MGMT: variants seen among roughly 807,000 people sequenced by gnomAD.
The protein encoded by MGMT is O-6-methylguanine-DNA methyltransferase, also known as methylated-DNA--protein-cysteine methyltransferase.
A neutral mutation model predicts 15.9 loss-of-function variants in MGMT; 14 were observed. That is an observed-to-expected ratio of 0.88 (90% CI 0.58 to 1.37). The LOEUF (loss-of-function observed/expected upper bound fraction) is 1.37. MGMT is among the 40% of genes most tolerant of loss of function. The pLI is 0.00. For synonymous variants in MGMT, 130 were observed against 118.2 expected (o/e 1.10, Z -0.65); for missense variants, 282 against 268.1 (o/e 1.05, Z -0.36).
At chr10:129,646,752 ATATT>A (rs1847397303) in intron 2 of MGMT, among the ~76,000 whole-genome samples, 1 of 81,890 alleles carries the variant, frequency 1.2e-5, no homozygotes, top group Non-Finnish European at 2.7e-5. Context: ...ATATATATAT[ATATT>A]TTCAGGGAAT....
chr10:129,570,825 A>G (rs1319934820), intron 2 of MGMT, among the ~76,000 whole-genome samples: 1 of 152,228 alleles, frequency 6.6e-6, no homozygotes, highest in Middle Eastern at 3.2e-3. Flanking sequence ...TACTATAGAC[A>G]TTAATTTAAA....
chr10:129,644,400 A>C (rs1847362005), intron 2 of MGMT, among the ~76,000 whole-genome samples: 1 of 152,232 alleles, frequency 6.6e-6, no homozygotes, highest in South Asian at 2.1e-4. Context: ...AGGCTCCCCT[A>C]GGCTGGCGTC....
At chr10:129,559,668 T>C (rs35346722) in intron 2 of MGMT, among the ~76,000 whole-genome samples, 15,411 of 152,170 alleles carry the variant, frequency 0.1, 866 homozygotes, top group African/African-American at 0.14. Context: ...ATAGAGTATG[T>C]TGTGCCATAT....
intron 3 of MGMT, among the ~76,000 whole-genome samples, chr10:129,747,295 T>C (rs1848705442): frequency 6.6e-6 from 1 of 152,208 alleles, no homozygotes; most frequent in Non-Finnish European, 1.5e-5. Flanking sequence ...TTGCTTTTTT[T>C]GCACAGTTAG....
At chr10:129,513,406 A>G (rs1306569816) in intron 1 of MGMT, among the ~76,000 whole-genome samples, 1 of 152,204 alleles carries the variant, frequency 6.6e-6, no homozygotes, top group Admixed American at 6.5e-5. Flanking sequence ...CCACAATAAA[A>G]ATATATTTCC....
chr10:129,565,787 G>A (rs1429940438), intron 2 of MGMT, among the ~76,000 whole-genome samples: 1 of 152,178 alleles, frequency 6.6e-6, no homozygotes, highest in Non-Finnish European at 1.5e-5. Context: ...AGATCCTGGT[G>A]ATCTTGATGA....
intron 4 of MGMT, among the ~76,000 whole-genome samples, chr10:129,764,371 C>A (rs774656864): frequency 6.6e-6 from 1 of 152,230 alleles, no homozygotes; most frequent in Non-Finnish European, 1.5e-5. Context: ...ACGTGTGTAG[C>A]TGGGCCCCAC....
intron 3 of MGMT, among the ~76,000 whole-genome samples, chr10:129,731,940 C>G (rs1848502976): frequency 6.6e-6 from 1 of 152,122 alleles, no homozygotes; most frequent in Non-Finnish European, 1.5e-5. Flanking sequence ...CCAGAAAACT[C>G]TTTTGTCACC....
intron 1 of MGMT, among the ~76,000 whole-genome samples, chr10:129,494,761 G>T (rs871029): frequency 0.097 from 14,696 of 152,248 alleles, 841 homozygotes; most frequent in East Asian, 0.28. Flanking sequence ...TTGTTTAATG[G>T]TCTTAAGAGG....
rs571780057 is a variant in MGMT at position 129,713,498 on chromosome 10, G to A, written c.274+5455G>A. ...AGCTGAGAGTGGATGGCAGGCCCGC[G>A]GGTTTCCAGGTGGCCAGTAGGATTG... is the stretch of plus-strand genomic sequence containing the variant. On this transcript the variant is annotated intron_variant, in intron 3 of 4. Transcript: ENST00000651593. Among the ~76,000 whole-genome samples the A allele has an allele frequency of 2.0e-3, 311 of 152,212 alleles. 1 individual carries two copies. Among genetic ancestry groups the A allele is most frequent in the African/African-American group, 7.3e-3 (303 of 41,534 alleles).
At chr10:129,614,603 A>G (rs1033656251) in intron 2 of MGMT, among the ~76,000 whole-genome samples, 3 of 152,150 alleles carry the variant, frequency 2.0e-5, no homozygotes, top group Non-Finnish European at 4.4e-5. Context: ...TTTAGAGTTC[A>G]ATATCTGCTG....
intron 3 of MGMT, among the ~76,000 whole-genome samples, chr10:129,728,281 G>A (rs76355795): frequency 0.02 from 3,077 of 152,144 alleles, 117 homozygotes; most frequent in African/African-American, 0.07. Context: ...GGAAGGTTAG[G>A]GATTAGGGTC....
At chr10:129,489,673 A>G (rs1026299100) in intron 1 of MGMT, among the ~76,000 whole-genome samples, 1 of 152,190 alleles carries the variant, frequency 6.6e-6, no homozygotes, top group Non-Finnish European at 1.5e-5. Context: ...TTTCATAAAC[A>G]GCTTGTGCAC....
chr10:129,735,288 G>C (rs528892617), intron 3 of MGMT, among the ~76,000 whole-genome samples: 3 of 152,192 alleles, frequency 2.0e-5, no homozygotes, highest in Admixed American at 2.0e-4. Flanking sequence ...TTTAGTCTTG[G>C]GAGAGTGTAT....
chr10:129,647,152 G>A (rs189636218), intron 2 of MGMT, among the ~76,000 whole-genome samples: 1 of 152,150 alleles, frequency 6.6e-6, no homozygotes, highest in East Asian at 1.9e-4. Context: ...TGCTGGTGAC[G>A]GCTCTAATAG....
chr10:129,604,362 C>T (rs1846861807), intron 2 of MGMT, among the ~76,000 whole-genome samples: 1 of 152,018 alleles, frequency 6.6e-6, no homozygotes, highest in African/African-American at 2.4e-5. Flanking sequence ...AATATTTTAT[C>T]TTCTGAAAAA....
intron 1 of MGMT, among the ~76,000 whole-genome samples, chr10:129,486,498 A>G (rs1845410921): frequency 6.6e-6 from 1 of 151,650 alleles, no homozygotes; most frequent in Admixed American, 6.6e-5. Context: ...CGGTTATTGT[A>G]TTTTCTGTAT....
At chr10:129,559,952 G>C (rs553379658) in intron 2 of MGMT, among the ~76,000 whole-genome samples, 1 of 152,150 alleles carries the variant, frequency 6.6e-6, no homozygotes, top group East Asian at 1.9e-4. Context: ...GAAGGTTGAC[G>C]TGCTCCAAGA....
intron 2 of MGMT, among the ~76,000 whole-genome samples, chr10:129,572,232 A>C (rs1409103706): frequency 6.6e-6 from 1 of 152,234 alleles, no homozygotes; most frequent in Non-Finnish European, 1.5e-5. Flanking sequence ...AGGAGTAGTT[A>C]ATTCTAAGGT....
Sources: gnomAD v4.1 joint callset for allele counts (sites outside exome capture counted in the v4.1 genomes callset) on GRCh38, gnomAD v4.1.1 for gene constraint, MANE v1.5 for transcripts, NCBI Gene and HGNC (gene_info 2026-07-23, HGNC 2026-07-21) for gene names.